TYW1B: variants seen among roughly 807,000 people sequenced by gnomAD.
TYW1B encodes the protein tRNA-yW synthesizing protein 1 homolog B, also known as S-adenosyl-L-methionine-dependent tRNA 4-demethylwyosine synthase TYW1B.
In TYW1B, 73 loss-of-function variants were observed where a neutral mutation model predicts 86.9. The ratio of observed to expected loss-of-function variants is 0.84; its 90% confidence interval spans 0.70 to 1.02. The LOEUF (loss-of-function observed/expected upper bound fraction) is 1.02, where lower values mean the gene tolerates loss of function less well. Ranked by LOEUF, TYW1B falls within the 50% of genes least tolerant of loss-of-function variation. The pLI, the probability that TYW1B is intolerant of heterozygous loss-of-function variation, is 0.00. For missense variants in TYW1B, 637 were observed against 827.4 expected, an observed-to-expected ratio of 0.77 and a Z score of 2.82; for synonymous variants, 248 against 292.8, an observed-to-expected ratio of 0.85 and a Z score of 1.56.
chr7:72,770,874 T>A (rs1402398918), intron 7 of TYW1B, among the ~76,000 whole-genome samples: 2 of 151,734 alleles, frequency 1.3e-5, no homozygotes, highest in Non-Finnish European at 2.9e-5. Flanking sequence ...ATGACACGGA[T>A]GCATCTCAAA....
chr7:72,781,813 C>CG, intron 6 of TYW1B, among the ~76,000 whole-genome samples: 1 of 152,318 alleles, frequency 6.6e-6, no homozygotes, highest in East Asian at 1.9e-4. Flanking sequence ...CGCCAAGCTG[C>CG]AGTGGTCTGA....
At chr7:72,618,775 A>T (rs189365924) in intron 12 of TYW1B, among the ~76,000 whole-genome samples, 1 of 152,334 alleles carries the variant, frequency 6.6e-6, no homozygotes, top group Admixed American at 6.5e-5. Context: ...GTTGGAGCTG[A>T]AACTGTGCCC....
At chr7:72,719,627 T>A (rs1585928082) in intron 9 of TYW1B, among the ~76,000 whole-genome samples, 1 of 72,278 alleles carries the variant, frequency 1.4e-5, no homozygotes, top group Non-Finnish European at 2.5e-5. Flanking sequence ...TGAGATTCCG[T>A]CTCCAAAAAA....
chr7:72,812,852 T>A (rs1283373872), intron 3 of TYW1B, among the ~76,000 whole-genome samples: 5 of 151,238 alleles, frequency 3.3e-5, no homozygotes, highest in Non-Finnish European at 5.9e-5. Flanking sequence ...TGCACCACCA[T>A]GGCTAATTTT....
intron 9 of TYW1B, among the ~76,000 whole-genome samples, chr7:72,727,811 CAAAA>C (rs10714290): frequency 1.9e-5 from 2 of 107,662 alleles, no homozygotes; most frequent in Non-Finnish European, 3.6e-5. Flanking sequence ...AGATCCGGTC[CAAAA>C]AAAAAAAAAA....
chr7:72,806,215 C>G (rs6976863), intron 5 of TYW1B, among the ~76,000 whole-genome samples: 103,205 of 149,968 alleles, frequency 0.69, 36,352 homozygotes, highest in Non-Finnish European at 0.77. Context: ...TTAAAGAAGA[C>G]GTTTTGGTTG....
In TYW1B at chr7:72,653,840, G is replaced by C. The variant is rs573392414; in HGVS notation, c.1507-24843C>G. 2.6e-5 allele frequency among the ~76,000 whole-genome samples: 4 copies of C among 152,222 alleles called. No homozygotes were observed. The South Asian group carries it at 8.3e-4, about 32-fold the overall frequency. ...CTCACGCCTGTGATCCCAGCACTTT[G>C]GGAGGCCGAAGCGGGTGGATCACAA... On this transcript the variant is annotated intron_variant, in intron 11 of 13. Coordinates refer to ENST00000620995, the MANE Select transcript of TYW1B (RefSeq NM_001145440.3).
intron 8 of TYW1B, among the ~76,000 whole-genome samples, chr7:72,740,101 C>T (rs1426934747): frequency 6.0e-5 from 9 of 150,362 alleles, no homozygotes; most frequent in South Asian, 2.1e-4. Context: ...GGTGTGGTGG[C>T]GGGCGCCTGC....
intron 11 of TYW1B, among the ~76,000 whole-genome samples, chr7:72,645,083 T>G (rs1812895210): frequency 6.6e-6 from 1 of 152,150 alleles, no homozygotes; most frequent in Non-Finnish European, 1.5e-5. Flanking sequence ...CACCTCGGCC[T>G]CCCAAAGAGC....
chr7:72,742,278 C>A (rs1756349348), intron 8 of TYW1B, among the ~76,000 whole-genome samples: 1 of 152,102 alleles, frequency 6.6e-6, no homozygotes, highest in African/African-American at 2.4e-5. Context: ...CTCAGACATG[C>A]ACCACCATGC....
At chr7:72,795,399 TTG>T (rs1169635428) in intron 6 of TYW1B, among the ~76,000 whole-genome samples, 2 of 151,576 alleles carry the variant, frequency 1.3e-5, no homozygotes, top group East Asian at 3.9e-4. Context: ...TGTTTTTTTG[TTG>T]TTATTGTTTA....
At chr7:72,802,350 T>C (rs1788415733) in intron 6 of TYW1B, 50 bp downstream of exon 6, 1 of 1,609,972 alleles carries the variant, frequency 6.2e-7, no homozygotes, top group African/African-American at 1.3e-5. Flanking sequence ...AAATACTAAA[T>C]GTTAACCAAC....
chr7:72,706,638 A>C (rs1489795058), intron 10 of TYW1B, among the ~76,000 whole-genome samples: 1 of 152,158 alleles, frequency 6.6e-6, no homozygotes, highest in Non-Finnish European at 1.5e-5. Context: ...TTCTCTTATA[A>C]GAAAATCAAC....
chr7:72,586,507 T>C (rs1398581576), intron 13 of TYW1B, among the ~76,000 whole-genome samples: 1 of 151,904 alleles, frequency 6.6e-6, no homozygotes, highest in Admixed American at 6.6e-5. Flanking sequence ...GCAGCTGAGG[T>C]GGGAGGATCA....
At chr7:72,666,644 T>A (rs1813468681) in intron 11 of TYW1B, among the ~76,000 whole-genome samples, 1 of 152,184 alleles carries the variant, frequency 6.6e-6, no homozygotes, top group South Asian at 2.1e-4. Flanking sequence ...AGCACCAACC[T>A]GTTCCTGAAA....
At chr7:72,601,482 T>C (rs1554433707) in intron 13 of TYW1B, among the ~76,000 whole-genome samples, 1 of 152,034 alleles carries the variant, frequency 6.6e-6, no homozygotes, top group Non-Finnish European at 1.5e-5. Flanking sequence ...CTTAACATAA[T>C]CCTACCATAT....
chr7:72,609,999 C>A (rs1368815875), intron 13 of TYW1B, among the ~76,000 whole-genome samples: 2 of 152,108 alleles, frequency 1.3e-5, no homozygotes, highest in African/African-American at 4.8e-5. Flanking sequence ...TAAAGAGGAG[C>A]GCAGTGACAC....
chr7:72,603,357 C>T (rs1428385708), intron 13 of TYW1B, among the ~76,000 whole-genome samples: 1 of 149,146 alleles, frequency 6.7e-6, no homozygotes, highest in African/African-American at 2.5e-5. Flanking sequence ...GATGGATGGA[C>T]GAATGGACGG....
intron 12 of TYW1B, among the ~76,000 whole-genome samples, chr7:72,618,898 T>TA (rs1269849917): frequency 2.0e-4 from 31 of 151,988 alleles, no homozygotes; most frequent in African/African-American, 6.5e-4. Flanking sequence ...TTGTGAGATT[T>TA]AAAAAAAATG....
Sources: allele counts gnomAD v4.1 joint callset (sites outside exome capture counted in the v4.1 genomes callset), GRCh38; gene constraint gnomAD v4.1.1; transcripts MANE v1.5; gene names NCBI Gene and HGNC (gene_info 2026-07-23, HGNC 2026-07-21).